The following PDE1A variants were observed in gnomAD, a reference collection of about 807,000 sequenced individuals.
PDE1A encodes phosphodiesterase 1A, also known as dual specificity calcium/calmodulin-dependent 3',5'-cyclic nucleotide phosphodiesterase 1A.
PDE1A carries 35 observed loss-of-function variants against 61.7 expected under a neutral mutation model. The observed-to-expected ratio is 0.57, with a 90% CI of 0.43 to 0.75. The LOEUF is 0.75. Among genes scored for constraint, PDE1A ranks in the 30% least tolerant of loss-of-function variants. PDE1A has a pLI of 0.00. For missense variants in PDE1A, 597 were observed against 630.6 expected, an observed-to-expected ratio of 0.95 and a Z score of 0.57; for synonymous variants, 232 against 213.2, an observed-to-expected ratio of 1.09 and a Z score of -0.77.
At chr2:182,242,899 C>CCTCTCTCTCTCT (rs71340034) in intron 2 of PDE1A, among the ~76,000 whole-genome samples, 9 of 103,700 alleles carry the variant, frequency 8.7e-5, no homozygotes, top group South Asian at 3.5e-4. Context: ...TCTCTCTCTC[C>CCTCTCTCTCTCT]CTCTCTCTCT....
intron 2 of PDE1A, among the ~76,000 whole-genome samples, chr2:182,448,539 T>G (rs935083373): frequency 2.0e-5 from 3 of 152,034 alleles, no homozygotes; most frequent in African/African-American, 7.2e-5. Context: ...TTGTGAAGAA[T>G]CTCAGATATT....
At chr2:182,207,809 G>A (rs966804466) in intron 7 of PDE1A, among the ~76,000 whole-genome samples, 2 of 152,194 alleles carry the variant, frequency 1.3e-5, no homozygotes, top group African/African-American at 4.8e-5. Context: ...GGCCTCCACT[G>A]CTCTGTGCAC....
At chr2:182,639,982 T>C in the PDE1A span, among the ~76,000 whole-genome samples, 39 of 92,450 alleles carry the variant, frequency 4.2e-4, no homozygotes, top group African/African-American at 1.3e-3. Context: ...GTTTAAAGGA[T>C]GTTAAAAAAA....
intron 2 of PDE1A, among the ~76,000 whole-genome samples, chr2:182,446,163 A>T (rs1363262851): frequency 6.6e-6 from 1 of 152,104 alleles, no homozygotes; most frequent in Non-Finnish European, 1.5e-5. Flanking sequence ...ATTACAAAGC[A>T]AAGTGGTCAG....
At chr2:182,491,144 G>C (rs1317563835) in intron 2 of PDE1A, among the ~76,000 whole-genome samples, 1 of 152,172 alleles carries the variant, frequency 6.6e-6, no homozygotes, top group African/African-American at 2.4e-5. Flanking sequence ...TGCAGAGATT[G>C]GTGGACAACA....
intron 2 of PDE1A, among the ~76,000 whole-genome samples, chr2:182,455,631 A>G (rs1028409978): frequency 6.6e-6 from 1 of 152,156 alleles, no homozygotes; most frequent in African/African-American, 2.4e-5. Context: ...ACCGGAAGCC[A>G]TCATTCTCAG....
chr2:182,683,178 C>T, the PDE1A span, among the ~76,000 whole-genome samples: 1 of 150,992 alleles, frequency 6.6e-6, no homozygotes, highest in Non-Finnish European at 1.5e-5. Context: ...CTGCAACCTC[C>T]GCCCCCCAGG....
chr2:182,242,881 TC>T (rs1690635654), intron 2 of PDE1A, among the ~76,000 whole-genome samples: 4 of 70,272 alleles, frequency 5.7e-5, no homozygotes, highest in African/African-American at 1.8e-4. Flanking sequence ...TCTCCTCTCC[TC>T]CCTCTCTCTC....
intron 7 of PDE1A, among the ~76,000 whole-genome samples, chr2:182,218,375 T>A (rs1391311354): frequency 6.6e-6 from 1 of 151,622 alleles, no homozygotes; most frequent in African/African-American, 2.4e-5. Context: ...CATATGTAAC[T>A]AACCTGCACA....
intron 2 of PDE1A, among the ~76,000 whole-genome samples, chr2:182,437,353 A>G (rs2125660879): frequency 6.6e-6 from 1 of 152,090 alleles, no homozygotes; most frequent in East Asian, 1.9e-4. Context: ...CCCAAACCGT[A>G]AAAATAATTA....
intron 2 of PDE1A, among the ~76,000 whole-genome samples, chr2:182,464,063 C>T (rs1686488073): frequency 6.6e-6 from 1 of 152,156 alleles, no homozygotes; most frequent in Non-Finnish European, 1.5e-5. Flanking sequence ...CTATGCTACT[C>T]TATGAAAGCT....
chr2:182,605,220 T>C, the PDE1A span, among the ~76,000 whole-genome samples: 894 of 152,266 alleles, frequency 5.9e-3, 6 homozygotes, highest in Non-Finnish European at 8.9e-3. Flanking sequence ...GAAGGTGACC[T>C]CAAGCCCAAC....
At chr2:182,337,112 A>G (rs1697883395) in intron 1 of PDE1A, among the ~76,000 whole-genome samples, 1 of 152,218 alleles carries the variant, frequency 6.6e-6, no homozygotes. Flanking sequence ...TGGTAAATAC[A>G]TGTTAGGTTG....
the PDE1A span, among the ~76,000 whole-genome samples, chr2:182,547,903 GA>G: frequency 6.6e-6 from 1 of 152,148 alleles, no homozygotes; most frequent in Non-Finnish European, 1.5e-5. Context: ...AAGTTTTGAA[GA>G]AAAAAGTTAA....
chr2:182,229,919 G>A (rs1689438956), intron 6 of PDE1A, 87 bp downstream of exon 6: 3 of 930,472 alleles, frequency 3.2e-6, no homozygotes, highest in South Asian at 3.7e-5. Context: ...TACCTCTATG[G>A]GCATTAAAGA....
the PDE1A span, among the ~76,000 whole-genome samples, chr2:182,538,171 T>A: frequency 1.1e-4 from 16 of 152,102 alleles, no homozygotes; most frequent in African/African-American, 3.4e-4. Flanking sequence ...AACCAAACAT[T>A]CCTTGGTCTG....
chr2:182,256,263 G>A, intron 2 of PDE1A, among the ~76,000 whole-genome samples: 1 of 113,702 alleles, frequency 8.8e-6, no homozygotes, highest in African/African-American at 3.5e-5. Flanking sequence ...AGTCCCCAGA[G>A]TGTGATATTC....
At chr2:182,355,330 A>G (rs548212324) in intron 1 of PDE1A, among the ~76,000 whole-genome samples, 8 of 152,088 alleles carry the variant, frequency 5.3e-5, no homozygotes, top group African/African-American at 1.7e-4. Flanking sequence ...TATAAAGAAG[A>G]CAGTAAGTGT....
the PDE1A span, among the ~76,000 whole-genome samples, chr2:182,709,763 G>A: frequency 1.3e-5 from 2 of 152,272 alleles, no homozygotes; most frequent in South Asian, 4.1e-4. Flanking sequence ...GACTGGCAAG[G>A]CCTTGGTTTC....
Sources: gnomAD v4.1 joint callset for allele counts (sites outside exome capture counted in the v4.1 genomes callset) on GRCh38, gnomAD v4.1.1 for gene constraint, MANE v1.5 for transcripts, NCBI Gene and HGNC (gene_info 2026-07-23, HGNC 2026-07-21) for gene names.